The following UGT1A8 variants were observed in gnomAD, a reference collection of about 807,000 sequenced individuals.
The protein encoded by UGT1A8 is UDP glucuronosyltransferase family 1 member A8, also known as UDP-glucuronosyltransferase 1A8.
Under a neutral mutation model 45.3 loss-of-function variants are expected in UGT1A8, and 39 were observed. That is an observed-to-expected ratio of 0.86 (90% CI 0.67 to 1.12). The LOEUF (loss-of-function observed/expected upper bound fraction) is 1.12. UGT1A8 is among the 50% of genes most tolerant of loss of function. The pLI is 0.00. For synonymous variants in UGT1A8, 275 were observed against 249.2 expected (o/e 1.10, Z -0.97); for missense variants, 719 against 664.9 (o/e 1.08, Z -0.90).
At chr2:233,672,052 A>G in intron 1 of UGT1A8, 1 of 1,614,138 alleles carries the variant, frequency 6.2e-7, no homozygotes, top group East Asian at 2.2e-5. Context: ...CCACTGGTTC[A>G]CCATGAGGTC....
At position 233,772,771 on chromosome 2, in the gene UGT1A8, G is replaced by A. The variant is rs989549467; in HGVS notation, c.*212G>A. 1 of 1,323,730 alleles carries A rather than the reference G, an allele frequency of 7.6e-7. No individual in the cohort carries two copies. The highest frequency in any genetic ancestry group is 1.5e-5 in the African/African-American group (1 of 67,390). The allele number at this position is 1,323,730 out of a possible 1,614,324, so 82.0% of individuals were successfully genotyped here. On this transcript the variant is annotated 3_prime_UTR_variant, in exon 5 of 5. Coordinates refer to ENST00000373450, the MANE Select transcript of UGT1A8 (RefSeq NM_019076.5). ...TTTGAATATGTATCGTGCCCCCTCTGGTGTCTTTGATCAGGATGACATGTG... is the reference window on the plus strand; with the variant it reads ...TTTGAATATGTATCGTGCCCCCTCTAGTGTCTTTGATCAGGATGACATGTG...
rs2077866341 is a variant in UGT1A8 at position 233,729,479 on chromosome 2, A to T, written c.856-37555A>T. 5 of 1,614,240 alleles carry T rather than the reference A, an allele frequency of 3.1e-6. No homozygotes were observed. The East Asian group carries it at 1.1e-4, about 36-fold the overall frequency. On this transcript the variant is annotated intron_variant, in intron 1 of 4. Coordinates refer to ENST00000373450, the MANE Select transcript of UGT1A8 (RefSeq NM_019076.5). ...TTTTTCAGAAGTATGGCAATGTTGA[A>T]CAATATGTCTTTGGTCTATCATAGG...
At chr2:233,764,109 T>C (rs1698482048) in intron 1 of UGT1A8, among the ~76,000 whole-genome samples, 2 of 152,214 alleles carry the variant, frequency 1.3e-5, no homozygotes, top group African/African-American at 2.4e-5. Flanking sequence ...TACAAAATTC[T>C]TGGTAAAGTT....
Position 233,748,064 on chromosome 2 carries a change from G to T in UGT1A8, c.856-18970G>T, listed in dbSNP as rs867030809. On this transcript the variant is annotated intron_variant, in intron 1 of 4. Transcript: ENST00000373450. ...TTGGGGGCATCAACTGTGCCAACAG[G>T]AAGCCACTATCTCAGGTCGGTGTTC... 3.5e-5 allele frequency: 57 copies of T among 1,612,772 alleles called. 2 individuals carry two copies. In the African/African-American group the frequency reaches 5.8e-4, roughly 16 times the overall value.
At chr2:233,681,994 C>T in intron 1 of UGT1A8, 1 of 1,614,172 alleles carries the variant, frequency 6.2e-7, no homozygotes, top group South Asian at 1.1e-5. Context: ...TACTGCTGAC[C>T]TGTGGCTTTG....
chr2:233,714,426 AAC>A (rs1430757538), intron 1 of UGT1A8, among the ~76,000 whole-genome samples: 5 of 152,176 alleles, frequency 3.3e-5, no homozygotes, highest in Non-Finnish European at 5.9e-5. Flanking sequence ...CAGAGAATGA[AAC>A]ACAGAGTTCA....
At chr2:233,618,713 CATCAGTT>C in intron 1 of UGT1A8, 151 bp downstream of exon 1, 2 of 1,436,786 alleles carry the variant, frequency 1.4e-6, no homozygotes, top group Non-Finnish European at 1.8e-6. Flanking sequence ...TTTATGTACT[CATCAGTT>C]ATCAAATTTT....
intron 1 of UGT1A8, among the ~76,000 whole-genome samples, chr2:233,765,522 C>T (rs1046114337): frequency 3.9e-5 from 6 of 151,992 alleles, no homozygotes; most frequent in East Asian, 1.9e-4. Flanking sequence ...AATCAAACAC[C>T]GCATGTTCTC....
intron 1 of UGT1A8, among the ~76,000 whole-genome samples, chr2:233,724,320 G>T (rs1387925983): frequency 6.8e-6 from 1 of 147,864 alleles, no homozygotes; most frequent in Non-Finnish European, 1.5e-5. Flanking sequence ...GGACGGGGCG[G>T]CTGGCCAGGC....
intron 1 of UGT1A8, chr2:233,648,912 C>T: frequency 1.5e-6 from 2 of 1,352,680 alleles, no homozygotes; most frequent in Non-Finnish European, 2.1e-6. Flanking sequence ...TCTACAGCCA[C>T]ACATCAATTT....
At chr2:233,704,563 A>G (rs1009157826) in intron 1 of UGT1A8, among the ~76,000 whole-genome samples, 11 of 152,202 alleles carry the variant, frequency 7.2e-5, no homozygotes, top group Non-Finnish European at 1.6e-4. Context: ...TTATATAAAT[A>G]CACATGCTTT....
intron 1 of UGT1A8, among the ~76,000 whole-genome samples, chr2:233,751,156 T>G (rs1334188650): frequency 6.6e-6 from 1 of 151,998 alleles, no homozygotes; most frequent in Non-Finnish European, 1.5e-5. Context: ...ACTTCTGGCA[T>G]CAGCATGACC....
At chr2:233,758,159 G>T (rs1281366344) in intron 1 of UGT1A8, among the ~76,000 whole-genome samples, 1 of 152,206 alleles carries the variant, frequency 6.6e-6, no homozygotes, top group African/African-American at 2.4e-5. Context: ...AATGGGTTCT[G>T]CTTTGGTTTC....
At chr2:233,627,015 CAAGGCTT>C (rs796962506) in intron 1 of UGT1A8, among the ~76,000 whole-genome samples, 5 of 151,686 alleles carry the variant, frequency 3.3e-5, no homozygotes, top group African/African-American at 1.2e-4. Context: ...CTTGTCCCCT[CAAGGCTT>C]AAGGTTTGGC....
Position 233,682,426 on chromosome 2 carries a change from C to T in UGT1A8, c.855+63864C>T, listed in dbSNP as rs540052265. The T allele has an allele frequency of 7.4e-6, 12 of 1,613,888 alleles. No individual in the cohort carries two copies. The East Asian group carries it at 2.2e-4, about 30-fold the overall frequency. On this transcript the variant is annotated intron_variant, in intron 1 of 4. Transcript: ENST00000373450. ...TAATTGTTGCCAAATATTTCTCCCT[C>T]CCCTCTGTGGTCTTCGCCAGGGGAA...
intron 1 of UGT1A8, chr2:233,693,432 A>G: frequency 1.2e-6 from 2 of 1,614,148 alleles, no homozygotes; most frequent in Non-Finnish European, 1.7e-6. Flanking sequence ...AAGGAGAGCA[A>G]GTTTGATGCT....
intron 4 of UGT1A8, chr2:233,771,337 C>A (rs949199935): frequency 6.6e-6 from 1 of 152,084 alleles, no homozygotes; most frequent in Non-Finnish European, 1.5e-5. Flanking sequence ...CCTCTTCATT[C>A]CTGTAGCACC....
intron 1 of UGT1A8, among the ~76,000 whole-genome samples, chr2:233,661,636 TTTCTTTC>T (rs920941515): frequency 6.0e-5 from 5 of 83,346 alleles, no homozygotes; most frequent in Admixed American, 1.2e-4. Flanking sequence ...TCTTTCTTTC[TTTCTTTC>T]TTTCTTTCTT....
At chr2:233,713,154 G>A in intron 1 of UGT1A8, 1 of 1,614,234 alleles carries the variant, frequency 6.2e-7, no homozygotes, top group Non-Finnish European at 8.5e-7. Flanking sequence ...CCATGCGAGA[G>A]GCCACCAGGT....
Sources: gnomAD v4.1 joint callset for allele counts (sites outside exome capture counted in the v4.1 genomes callset) on GRCh38, gnomAD v4.1.1 for gene constraint, MANE v1.5 for transcripts, NCBI Gene and HGNC (gene_info 2026-07-23, HGNC 2026-07-21) for gene names.